The following ADCK1 variants were observed in gnomAD, a reference collection of about 807,000 sequenced individuals.
ADCK1 encodes aarF domain-containing protein kinase 1.
Under a neutral mutation model 52.3 loss-of-function variants are expected in ADCK1, and 41 were observed. The observed-to-expected ratio is 0.78, with a 90% CI of 0.61 to 1.02. ADCK1 has a LOEUF of 1.02. Ranked by LOEUF, ADCK1 falls within the 50% of genes least tolerant of loss-of-function variation. The probability of loss-of-function intolerance (pLI) is 0.00; values close to 1 mark genes in which losing one functional copy is unlikely to be tolerated. For missense variants in ADCK1, 658 were observed against 679.5 expected, an observed-to-expected ratio of 0.97 and a Z score of 0.35; for synonymous variants, 250 against 274.6, an observed-to-expected ratio of 0.91 and a Z score of 0.89.
chr14:77,854,568 T>C (rs2082378202), intron 3 of ADCK1, among the ~76,000 whole-genome samples: 1 of 149,960 alleles, frequency 6.7e-6, no homozygotes, highest in South Asian at 2.1e-4. Context: ...TTTTTTTTTT[T>C]TTTTTTGAGA....
chr14:77,869,344 C>A (rs2082728143), intron 4 of ADCK1, among the ~76,000 whole-genome samples: 1 of 152,112 alleles, frequency 6.6e-6, no homozygotes. Flanking sequence ...GCAATCCCTG[C>A]TGTTCCTTGG....
At chr14:77,894,505 C>T (rs2083355875) in intron 5 of ADCK1, among the ~76,000 whole-genome samples, 1 of 152,074 alleles carries the variant, frequency 6.6e-6, no homozygotes, top group Non-Finnish European at 1.5e-5. Context: ...TTGCACGAGG[C>T]AGGGCTGCAT....
chr14:77,923,896 G>A lies in ADCK1; in HGVS notation c.859-561G>A, dbSNP rs2084120926. ...AGGGAGGGGAGCAGGGAGAGGGGAG[G>A]GGAGCAGGGAGAGGGGAGGCGGGCC... On this transcript the variant is annotated intron_variant, in intron 7 of 10. Coordinates refer to ENST00000238561, the MANE Select transcript of ADCK1 (RefSeq NM_020421.4). The surrounding 1 kb of genome is among the most constrained non-coding windows in gnomAD (Gnocchi z 4.3). The A allele has an allele frequency of 1.3e-5, 2 of 153,380 alleles. No homozygotes were observed. The highest frequency in any genetic ancestry group is 6.5e-5 in the Admixed American group (1 of 15,370). 9.5% of individuals were successfully genotyped at this position (153,380 alleles called of 1,614,324 possible).
Position 77,819,056 on chromosome 14 carries a change from C to A in ADCK1, c.78C>A (p.Asn26Lys), listed in dbSNP as rs1318547037. ...LAASGIYFYS[N>K]KYLDPNDFGA... Reference sequence around the variant, plus strand: ...CCTCTGGCATCTACTTCTACAGTAACAAGTACTTGGACCCTAATGACTTTG... The same window carrying A: ...CCTCTGGCATCTACTTCTACAGTAAAAAGTACTTGGACCCTAATGACTTTG... The change falls in exon 2 of 11, where the codon AAC becomes AAA. Residue 26 changes from asparagine (N) to lysine (K), a missense_variant. Asn to Lys is a moderately conservative substitution (Grantham distance 94). Transcript: ENST00000238561. The A allele has an allele frequency of 6.2e-6, 10 of 1,614,088 alleles. No individual in the cohort carries two copies. The highest frequency in any genetic ancestry group is 8.5e-6 in the Non-Finnish European group (10 of 1,180,038).
At chr14:77,924,419 G>A (rs750347870) in intron 7 of ADCK1, 38 bp from the exon 8 acceptor site, 7 of 1,610,194 alleles carry the variant, frequency 4.3e-6, no homozygotes, top group Admixed American at 1.7e-5. Context: ...ATAGATGTGA[G>A]TGGAGAGGAG....
chr14:77,925,674 C>T (rs139367023), intron 8 of ADCK1, 90 bp from the exon 9 acceptor site: 32 of 1,302,024 alleles, frequency 2.5e-5, no homozygotes, highest in African/African-American at 4.4e-5. Context: ...TCCTCACCGT[C>T]GTCTTTTGCA....
At chr14:77,869,640 G>A (rs535040869) in intron 4 of ADCK1, among the ~76,000 whole-genome samples, 1 of 152,310 alleles carries the variant, frequency 6.6e-6, no homozygotes, top group African/African-American at 2.4e-5. Context: ...GGTCTTCTGT[G>A]GTTGTAAGGA....
intron 3 of ADCK1, among the ~76,000 whole-genome samples, chr14:77,828,595 C>T (rs549301035): frequency 1.2e-3 from 189 of 152,200 alleles, no homozygotes; most frequent in African/African-American, 4.2e-3. Flanking sequence ...AGTGCAGTGG[C>T]GTGGTCTCAG....
Position 77,923,849 on chromosome 14 carries a change from C to T in ADCK1, c.859-608C>T. 6.5e-6 allele frequency: 1 copy of T among 152,766 alleles called. No individual in the cohort carries two copies. The allele number at this position is 152,766 out of a possible 1,614,324, so 9.5% of individuals were successfully genotyped here. The stretch of plus-strand genomic sequence containing the variant: ...TTTCTTCTGTGCAGACATCATAAAT[C>T]AGATTAGCATTGGGCTCTGGCAGGG... On this transcript the variant is annotated intron_variant, in intron 7 of 10. Coordinates refer to ENST00000238561, the MANE Select transcript of ADCK1 (RefSeq NM_020421.4). The surrounding 1 kb of genome is among the most constrained non-coding windows in gnomAD (Gnocchi z 4.3).
chr14:77,852,649 T>TTAAATAAATAAA (rs1258593104), intron 3 of ADCK1, among the ~76,000 whole-genome samples: 1 of 41,480 alleles, frequency 2.4e-5, no homozygotes, highest in African/African-American at 7.5e-5. Context: ...CATTATTTCT[T>TTAAATAAATAAA]TAAATAAATA....
chr14:77,852,081 C>A (rs1186801463), intron 3 of ADCK1, among the ~76,000 whole-genome samples: 1 of 152,100 alleles, frequency 6.6e-6, no homozygotes, highest in Non-Finnish European at 1.5e-5. Context: ...TCACTGCAAC[C>A]TCTGCCTCCC....
rs1164875236 is a variant in ADCK1, at chr14:77,844,912, T to C, written c.220-14164T>C. Among the ~76,000 whole-genome samples the C allele has an allele frequency of 3.3e-5, 5 of 152,238 alleles. No individual in the cohort carries two copies. In the East Asian group the frequency reaches 9.6e-4, roughly 29 times the overall value. ...GTTGGAGAATAGGCAAGTCGTCACCTGGACTCAGAGTGCGTGCTGTGGTTG... is the reference window on the plus strand; with the variant it reads ...GTTGGAGAATAGGCAAGTCGTCACCCGGACTCAGAGTGCGTGCTGTGGTTG... On this transcript the variant is annotated intron_variant, in intron 3 of 10. Coordinates refer to ENST00000238561, the MANE Select transcript of ADCK1 (RefSeq NM_020421.4).
At chr14:77,813,954 G>T (rs965948261) in intron 1 of ADCK1, among the ~76,000 whole-genome samples, 2 of 151,918 alleles carry the variant, frequency 1.3e-5, no homozygotes, top group African/African-American at 4.8e-5. Flanking sequence ...TTTTAGTAGA[G>T]ACAGGGTTTT....
In ADCK1 at chr14:77,894,736, G is replaced by GTTTTTTTTTTTTTTTTTTTTTTTTTT; in HGVS notation, c.583-4361_583-4336dup. On this transcript the variant is annotated intron_variant, in intron 5 of 10. Coordinates refer to ENST00000238561, the MANE Select transcript of ADCK1 (RefSeq NM_020421.4). ...TTATTTCTTTTTCTTTTCTTTTCTTGTTTTTTTTTTTTTTTTTTTTTTTTT... is the reference window on the plus strand; with the variant it reads ...TTATTTCTTTTTCTTTTCTTTTCTTGTTTTTTTTTTTTTTTTTTTTTTTTTTTTTTTTTTTTTTTTTTTTTTTTTTT... Among the ~76,000 whole-genome samples the GTTTTTTTTTTTTTTTTTTTTTTTTTT allele has an allele frequency of 9.0e-4, 33 of 36,478 alleles. 4 individuals carry two copies. Among genetic ancestry groups the GTTTTTTTTTTTTTTTTTTTTTTTTTT allele is most frequent in the Non-Finnish European group, 1.7e-3 (28 of 16,928 alleles). 23.9% of individuals were successfully genotyped at this position (36,478 alleles called of 152,430 possible).
intron 5 of ADCK1, among the ~76,000 whole-genome samples, chr14:77,889,705 G>A (rs1447563918): frequency 6.6e-6 from 1 of 152,152 alleles, no homozygotes; most frequent in Admixed American, 6.5e-5. Context: ...TCAGAACAAA[G>A]TGAAATGGTC....
intron 1 of ADCK1, among the ~76,000 whole-genome samples, chr14:77,818,463 G>A (rs760651724): frequency 6.6e-6 from 1 of 152,008 alleles, no homozygotes; most frequent in Non-Finnish European, 1.5e-5. Flanking sequence ...TGTATTTTTC[G>A]TAGAGACGGG....
At chr14:77,884,526 A>C (rs17106537) in intron 4 of ADCK1, among the ~76,000 whole-genome samples, 1 of 152,208 alleles carries the variant, frequency 6.6e-6, no homozygotes, top group South Asian at 2.1e-4. Context: ...TGAGAACACT[A>C]TATCCATCAG....
intron 4 of ADCK1, among the ~76,000 whole-genome samples, chr14:77,865,151 AAAC>A (rs1409891869): frequency 0.034 from 125 of 3,638 alleles, no homozygotes; most frequent in African/African-American, 0.14. Flanking sequence ...TGAATTAAAA[AAAC>A]AAACAAACAA....
At chr14:77,822,331 C>A in intron 2 of ADCK1, 104 bp from the exon 3 acceptor site, 1 of 905,996 alleles carries the variant, frequency 1.1e-6, no homozygotes, top group Non-Finnish European at 1.8e-6. Flanking sequence ...GGCCACTCCC[C>A]CAGACATAGC....
Sources: allele counts gnomAD v4.1 joint callset (sites outside exome capture counted in the v4.1 genomes callset), GRCh38; gene constraint gnomAD v4.1.1; non-coding constraint Gnocchi (gnomAD v3.1); transcripts MANE v1.5; gene names NCBI Gene and HGNC (gene_info 2026-07-23, HGNC 2026-07-21).